ADAMTSL1: variants seen among roughly 807,000 people sequenced by gnomAD.
ADAMTSL1 encodes ADAMTS-like protein 1.
ADAMTSL1 carries 126 observed loss-of-function variants against 201.8 expected under a neutral mutation model. That is an observed-to-expected ratio of 0.62 (90% CI 0.54 to 0.72). The LOEUF is 0.72. ADAMTSL1 is among the 30% of genes least tolerant of loss of function. ADAMTSL1 has a pLI of 0.00. For missense variants in ADAMTSL1, 2,679 were observed against 2,277.8 expected (o/e 1.18, Z -3.59); for synonymous variants, 1,121 against 903.4 (o/e 1.24, Z -4.32).
intron 23 of ADAMTSL1, among the ~76,000 whole-genome samples, chr9:18,875,954 A>G (rs1218098249): frequency 7.5e-6 from 1 of 132,700 alleles, no homozygotes; most frequent in Non-Finnish European, 1.7e-5. Flanking sequence ...TAGGATTATG[A>G]TATTTTCCTG....
chr9:18,316,424 G>T (rs987757001), intron 2 of ADAMTSL1, among the ~76,000 whole-genome samples: 4 of 151,912 alleles, frequency 2.6e-5, no homozygotes, highest in Non-Finnish European at 5.9e-5. Flanking sequence ...GGGCACACCT[G>T]GGGGGGCCGT....
intron 1 of ADAMTSL1, among the ~76,000 whole-genome samples, chr9:18,052,958 T>C (rs1822002896): frequency 6.6e-6 from 1 of 152,170 alleles, no homozygotes; most frequent in South Asian, 2.1e-4. Context: ...AATTTAGAAA[T>C]GGGTTGTCTT....
chr9:18,702,082 G>C (rs559827295), intron 13 of ADAMTSL1, among the ~76,000 whole-genome samples: 134 of 152,258 alleles, frequency 8.8e-4, no homozygotes, highest in African/African-American at 3.0e-3. Context: ...AGCTCGTGCA[G>C]AGAAACTCCC....
intron 19 of ADAMTSL1, among the ~76,000 whole-genome samples, chr9:18,786,251 C>T (rs1821700718): frequency 6.6e-6 from 1 of 152,158 alleles, no homozygotes; most frequent in African/African-American, 2.4e-5. Context: ...TAAGCCTGTT[C>T]CCTGTTTTCC....
At chr9:18,279,871 G>T (rs1230520533) in intron 2 of ADAMTSL1, among the ~76,000 whole-genome samples, 1 of 152,118 alleles carries the variant, frequency 6.6e-6, no homozygotes, top group East Asian at 1.9e-4. Flanking sequence ...CCTGGATCCC[G>T]GGGCCACCAG....
intron 2 of ADAMTSL1, among the ~76,000 whole-genome samples, chr9:18,317,269 G>A (rs146652472): frequency 3.3e-5 from 5 of 152,174 alleles, no homozygotes; most frequent in African/African-American, 7.2e-5. Flanking sequence ...TTGGTCAAAG[G>A]CTACAACTCT....
At chr9:18,289,921 G>T (rs1035438659) in intron 2 of ADAMTSL1, among the ~76,000 whole-genome samples, 21 of 152,208 alleles carry the variant, frequency 1.4e-4, no homozygotes, top group Admixed American at 1.3e-3. Context: ...TAACCAGCTA[G>T]TGAGAAATAC....
At chr9:18,176,438 G>A (rs184584262) in intron 2 of ADAMTSL1, among the ~76,000 whole-genome samples, 1 of 152,258 alleles carries the variant, frequency 6.6e-6, no homozygotes, top group East Asian at 1.9e-4. Flanking sequence ...AATAATTATA[G>A]TTATTGACTA....
intron 2 of ADAMTSL1, among the ~76,000 whole-genome samples, chr9:18,409,641 T>C (rs1800084257): frequency 6.6e-6 from 1 of 150,916 alleles, no homozygotes. Flanking sequence ...TGTGTTCTTT[T>C]CCTAGTTCTA....
chr9:18,457,809 T>C (rs951108478), intron 2 of ADAMTSL1, among the ~76,000 whole-genome samples: 2 of 152,226 alleles, frequency 1.3e-5, no homozygotes, highest in African/African-American at 4.8e-5. Context: ...AAAGAATTCC[T>C]AATTGCAGTT....
chr9:18,380,491 C>G (rs1837509436), intron 2 of ADAMTSL1, among the ~76,000 whole-genome samples: 1 of 152,194 alleles, frequency 6.6e-6, no homozygotes, highest in Non-Finnish European at 1.5e-5. Context: ...TTTCTTCCCT[C>G]CCTTCCCCCA....
chr9:17,984,090 G>A (rs2131474298), intron 1 of ADAMTSL1, among the ~76,000 whole-genome samples: 1 of 152,066 alleles, frequency 6.6e-6, no homozygotes, highest in African/African-American at 2.4e-5. Flanking sequence ...GCCACAGATG[G>A]GATTTTTGTG....
At chr9:18,589,251 C>T (rs771878867) in intron 4 of ADAMTSL1, among the ~76,000 whole-genome samples, 21 of 152,188 alleles carry the variant, frequency 1.4e-4, no homozygotes, top group South Asian at 8.3e-4. Context: ...TCTTCAATTT[C>T]TGTCATCAAT....
chr9:18,595,363 G>C (rs1006338582), intron 4 of ADAMTSL1, among the ~76,000 whole-genome samples: 1 of 152,196 alleles, frequency 6.6e-6, no homozygotes, highest in Admixed American at 6.5e-5. Flanking sequence ...TCCCTGCACA[G>C]ACGGGAGAGT....
At chr9:18,880,233 T>C (rs1035901712) in intron 23 of ADAMTSL1, among the ~76,000 whole-genome samples, 3 of 152,200 alleles carry the variant, frequency 2.0e-5, no homozygotes, top group Non-Finnish European at 2.9e-5. Flanking sequence ...TGTTGGTATT[T>C]TGACCTCCTC....
chr9:18,339,207 A>G (rs1417719736), intron 2 of ADAMTSL1, among the ~76,000 whole-genome samples: 2 of 152,204 alleles, frequency 1.3e-5, no homozygotes, highest in Non-Finnish European at 2.9e-5. Flanking sequence ...CAAACTATGT[A>G]TCCAACAAAG....
chr9:18,081,719 T>G (rs147980222), intron 1 of ADAMTSL1, among the ~76,000 whole-genome samples: 10 of 152,348 alleles, frequency 6.6e-5, no homozygotes, highest in African/African-American at 2.4e-4. Context: ...GGAACAAAAA[T>G]TGAATCCTTT....
chr9:18,872,562 C>A (rs1419126463), intron 23 of ADAMTSL1, among the ~76,000 whole-genome samples: 1 of 152,182 alleles, frequency 6.6e-6, no homozygotes, highest in Non-Finnish European at 1.5e-5. Context: ...GCTCAGCTCC[C>A]ACTTATGAGT....
At chr9:18,359,145 A>G (rs1330926068) in intron 2 of ADAMTSL1, among the ~76,000 whole-genome samples, 1 of 152,228 alleles carries the variant, frequency 6.6e-6, no homozygotes, top group East Asian at 1.9e-4. Context: ...ACATATATGC[A>G]TGCACATGCT....
Sources: allele counts gnomAD v4.1 joint callset (sites outside exome capture counted in the v4.1 genomes callset), GRCh38; gene constraint gnomAD v4.1.1; transcripts MANE v1.5; gene names NCBI Gene and HGNC (gene_info 2026-07-23, HGNC 2026-07-21).